The following ONECUT1 variants were observed in gnomAD, a reference collection of about 807,000 sequenced individuals.
ONECUT1 encodes one cut homeobox 1.
ONECUT1 carries 12 observed loss-of-function variants against 25.6 expected under a neutral mutation model. The observed-to-expected ratio is 0.47, with a 90% CI of 0.30 to 0.76. The LOEUF is 0.76. ONECUT1 is among the 30% of genes least tolerant of loss of function. ONECUT1 has a pLI of 0.07. For missense variants in ONECUT1, 620 were observed against 651.2 expected, an observed-to-expected ratio of 0.95 and a Z score of 0.52; for synonymous variants, 285 against 270.2, an observed-to-expected ratio of 1.05 and a Z score of -0.54.
At chr15:52,780,215 A>G (rs898733565) in intron 1 of ONECUT1, among the ~76,000 whole-genome samples, 2 of 152,136 alleles carry the variant, frequency 1.3e-5, no homozygotes, top group African/African-American at 4.8e-5. Flanking sequence ...GGAGCTGTTT[A>G]TTACTCTGGG....
At chr15:52,765,442 G>A (rs537821040) in intron 1 of ONECUT1, among the ~76,000 whole-genome samples, 25 of 152,314 alleles carry the variant, frequency 1.6e-4, no homozygotes, top group African/African-American at 3.4e-4. Flanking sequence ...AAGGACAAGA[G>A]GTAGTCAGCT....
intron 1 of ONECUT1, among the ~76,000 whole-genome samples, chr15:52,782,126 G>T (rs990117638): frequency 3.9e-5 from 6 of 152,174 alleles, no homozygotes; most frequent in African/African-American, 1.4e-4. Context: ...GTGGTGGTTT[G>T]CTGCACAGAT....
chr15:52,757,955 G>T, intron 1 of ONECUT1, 108 bp from the exon 2 acceptor site: 1 of 1,208,348 alleles, frequency 8.3e-7, no homozygotes, highest in Non-Finnish European at 1.2e-6. Flanking sequence ...CCTGCTTTCT[G>T]TTTGCTGACC....
chr15:52,779,642 T>TA (rs2083827198), intron 1 of ONECUT1, among the ~76,000 whole-genome samples: 1 of 152,168 alleles, frequency 6.6e-6, no homozygotes, highest in South Asian at 2.1e-4. Context: ...GGTGCCTCCT[T>TA]AAAAAGCCAT....
chr15:52,759,138 G>A (rs964394780), intron 1 of ONECUT1, among the ~76,000 whole-genome samples: 1 of 152,164 alleles, frequency 6.6e-6, no homozygotes, highest in Admixed American at 6.5e-5. Flanking sequence ...GGCATGCTTC[G>A]TGATGGAGGG....
In ONECUT1 at chr15:52,780,872, G is replaced by T. The variant is rs1475808124; in HGVS notation, c.1105+7908C>A. The T allele has an allele frequency of 2.2e-6, 3 of 1,344,232 alleles. No homozygotes were observed. In the East Asian group the frequency reaches 8.3e-5, roughly 37 times the overall value. The allele number at this position is 1,344,232 out of a possible 1,614,324, so 83.3% of individuals were successfully genotyped here. A position where few individuals can be genotyped will look rare whatever the true frequency, so the allele number is the denominator to read the frequency against. Reference sequence around the variant, plus strand: ...GAAAGCAGTGATTTCAGAAACCGTCGATTCTGAATATCCCGTGGCGGCATA... The same window carrying T: ...GAAAGCAGTGATTTCAGAAACCGTCTATTCTGAATATCCCGTGGCGGCATA... On this transcript the variant is annotated intron_variant, in intron 1 of 1. Transcript: ENST00000305901.
At chr15:52,763,114 T>C (rs920752262) in intron 1 of ONECUT1, among the ~76,000 whole-genome samples, 2 of 152,098 alleles carry the variant, frequency 1.3e-5, no homozygotes, top group African/African-American at 4.8e-5. Flanking sequence ...GAGAAATACT[T>C]GTCAGTTAAC....
chr15:52,789,394 A>G lies in ONECUT1; in HGVS notation c.491T>C (p.Leu164Pro), dbSNP rs199848189. 5.0e-6 allele frequency: 8 copies of G among 1,613,118 alleles called. No individual in the cohort carries two copies. Among genetic ancestry groups the G allele is most frequent in the Non-Finnish European group, 5.9e-6 (7 of 1,179,774 alleles). ...DERGLASMNNLYTPYHKDVAG... is the reference protein window; with the variant it reads ...DERGLASMNNPYTPYHKDVAG... The stretch of plus-strand genomic sequence containing the variant: ...CACGTCCTTGTGGTAGGGGGTATAG[A>G]GGTTATTCATGGAGGCCAGCCCGCG... The change falls in exon 1 of 2, where the codon CTC (leucine) becomes CCC (proline). Residue 164 changes from leucine to proline, a missense_variant. Physicochemically the swap from Leu to Pro is moderately conservative, Grantham distance 98. Transcript: ENST00000305901. This position sits in a 1 kb window ranked among gnomAD's most constrained non-coding sequence, Gnocchi z 4.1.
chr15:52,788,773 G>A lies in ONECUT1; in HGVS notation c.1105+7C>T, dbSNP rs368990032. 6.2e-7 allele frequency: 1 copy of A among 1,602,430 alleles called. No homozygotes were observed. Among genetic ancestry groups the A allele is most frequent in the Non-Finnish European group, 8.5e-7 (1 of 1,173,146 alleles). On this transcript the variant is annotated splice_region_variant and intron_variant, in intron 1 of 1. Coordinates refer to ENST00000305901, the MANE Select transcript of ONECUT1 (RefSeq NM_004498.4). The surrounding 1 kb of genome is among the most constrained non-coding windows in gnomAD (Gnocchi z 4.3). ...CTCCCGCGCGCCCAGCTCCTTGGCC[G>A]GCTCACCTGCTAAGCGGAGCGCGGA...
At position 52,757,191 on chromosome 15, in the gene ONECUT1, A is replaced by G. The variant is rs2083677988; in HGVS notation, c.*364T>C. 4.6e-6 allele frequency: 1 copy of G among 219,512 alleles called. No homozygotes were observed. The highest frequency in any genetic ancestry group is 9.1e-6 in the Non-Finnish European group (1 of 110,244). 13.6% of individuals were successfully genotyped at this position (219,512 alleles called of 1,614,324 possible). A position where few individuals can be genotyped will look rare whatever the true frequency, so the allele number is the denominator to read the frequency against. ...CTGAGACACCATACACCTTCGTGGCATGGTAGAACAGATGAGAAAGTTCGA... is the reference window on the plus strand; with the variant it reads ...CTGAGACACCATACACCTTCGTGGCGTGGTAGAACAGATGAGAAAGTTCGA... On this transcript the variant is annotated 3_prime_UTR_variant, in exon 2 of 2. Coordinates refer to ENST00000305901, the MANE Select transcript of ONECUT1 (RefSeq NM_004498.4).
chr15:52,775,670 C>A (rs1271413783), intron 1 of ONECUT1, among the ~76,000 whole-genome samples: 1 of 151,960 alleles, frequency 6.6e-6, no homozygotes, highest in African/African-American at 2.4e-5. Context: ...AGTATATGTT[C>A]AAAATATTTA....
At chr15:52,771,246 C>G (rs1187844430) in intron 1 of ONECUT1, among the ~76,000 whole-genome samples, 1 of 151,880 alleles carries the variant, frequency 6.6e-6, no homozygotes, top group Non-Finnish European at 1.5e-5. Context: ...TAGCTCAGTG[C>G]TTGGTCTATA....
At chr15:52,774,853 A>T (rs1277654371) in intron 1 of ONECUT1, among the ~76,000 whole-genome samples, 1 of 152,188 alleles carries the variant, frequency 6.6e-6, no homozygotes, top group Non-Finnish European at 1.5e-5. Context: ...TTATTACTTT[A>T]AAAGAGGAAA....
rs1411001413 is a variant in ONECUT1 at position 52,784,162 on chromosome 15, C to A, written c.1105+4618G>T. On this transcript the variant is annotated intron_variant, in intron 1 of 1. Coordinates refer to ENST00000305901, the MANE Select transcript of ONECUT1 (RefSeq NM_004498.4). This position sits in a 1 kb window ranked among gnomAD's most constrained non-coding sequence, Gnocchi z 5.0. Reference sequence around the variant, plus strand: ...GAGCCGAATGGAGGGAAGCAGGGAGCGCGGAGGGCTCGAGGCTTGCAGATA... The same window carrying A: ...GAGCCGAATGGAGGGAAGCAGGGAGAGCGGAGGGCTCGAGGCTTGCAGATA... Among the ~76,000 whole-genome samples the A allele has an allele frequency of 2.6e-5, 4 of 152,168 alleles. No individual in the cohort carries two copies. Among genetic ancestry groups the A allele is most frequent in the African/African-American group, 9.7e-5 (4 of 41,436 alleles).
chr15:52,759,729 A>T (rs1443330922), intron 1 of ONECUT1, among the ~76,000 whole-genome samples: 2 of 151,822 alleles, frequency 1.3e-5, no homozygotes. Flanking sequence ...CCTCTGGAGT[A>T]GCTGGCACTA....
chr15:52,762,937 A>G (rs2083714189), intron 1 of ONECUT1, among the ~76,000 whole-genome samples: 1 of 152,104 alleles, frequency 6.6e-6, no homozygotes, highest in Admixed American at 6.5e-5. Context: ...GAAACCCCCA[A>G]TTGGAGGTTA....
At chr15:52,776,683 C>A (rs1388184277) in intron 1 of ONECUT1, among the ~76,000 whole-genome samples, 1 of 152,192 alleles carries the variant, frequency 6.6e-6, no homozygotes, top group Non-Finnish European at 1.5e-5. Context: ...TTATTTCTAC[C>A]CAGATCAGAG....
In ONECUT1 at chr15:52,789,191, G is replaced by C; in HGVS notation, c.694C>G (p.Gln232Glu). 1 of 1,573,626 alleles carries C rather than the reference G, an allele frequency of 6.4e-7. No individual in the cohort carries two copies. Among genetic ancestry groups the C allele is most frequent in the Non-Finnish European group, 8.6e-7 (1 of 1,163,150 alleles). The change falls in exon 1 of 2, where the codon CAG (glutamine) becomes GAG (glutamate). Residue 232 changes from glutamine (Q) to glutamate (E), a missense_variant. Physicochemically the swap from Gln to Glu is conservative, Grantham distance 29. Coordinates refer to ENST00000305901, the MANE Select transcript of ONECUT1 (RefSeq NM_004498.4). The surrounding 1 kb of genome is among the most constrained non-coding windows in gnomAD (Gnocchi z 4.1). ...CCGGCCGAGGTGGGCGTGAGGTGCT[G>C]CTCCCCGTGGCGGCCGAGCATGGCC... The part of the protein sequence containing the change: ...HPAMLGRHGE[Q>E]HLTPTSAGMV...
chr15:52,777,733 C>CAAAAAAAAAAAAAAAAA (rs1402130601), intron 1 of ONECUT1, among the ~76,000 whole-genome samples: 14 of 85,240 alleles, frequency 1.6e-4, no homozygotes, highest in East Asian at 1.1e-3. Context: ...CACACACACA[C>CAAAAAAAAAAAAAAAAA]ACACAAAAAA....
Sources: gnomAD v4.1 joint callset for allele counts (sites outside exome capture counted in the v4.1 genomes callset) on GRCh38, gnomAD v4.1.1 for gene constraint, Gnocchi (gnomAD v3.1) non-coding constraint, MANE v1.5 for transcripts, NCBI Gene and HGNC (gene_info 2026-07-23, HGNC 2026-07-21) for gene names.